The following FEZF2 variants were observed in gnomAD, a reference collection of about 807,000 sequenced individuals.
FEZF2 encodes fez family zinc finger protein 2.
A neutral mutation model predicts 32.8 loss-of-function variants in FEZF2; 2 were observed. The observed-to-expected ratio is 0.06, with a 90% CI of 0.02 to 0.19. FEZF2 has a LOEUF of 0.19. FEZF2 is among the 10% of genes least tolerant of loss of function. The probability of loss-of-function intolerance (pLI) is 1.00; values close to 1 mark genes in which losing one functional copy is unlikely to be tolerated. For synonymous variants in FEZF2, 322 were observed against 284.8 expected (o/e 1.13, Z -1.32); for missense variants, 516 against 625.4 (o/e 0.83, Z 1.87).
Position 62,371,737 on chromosome 3 carries a change from C to G in FEZF2, c.853-70G>C, listed in dbSNP as rs1704271991. The stretch of plus-strand genomic sequence containing the variant: ...CCTACAATCAGCCCCGGGGGGGCCA[C>G]AGCCTACCTCCCCCAACCAACACCC... On this transcript the variant is annotated intron_variant, in intron 2 of 4. Coordinates refer to ENST00000283268, the MANE Select transcript of FEZF2 (RefSeq NM_018008.4). The G allele has an allele frequency of 2.6e-6, 4 of 1,544,424 alleles. No homozygotes were observed. The Admixed American group carries it at 8.1e-5, about 31-fold the overall frequency.
In FEZF2 at chr3:62,372,880, C is replaced by T. The variant is rs775988544; in HGVS notation, c.-12G>A. The T allele has an allele frequency of 1.9e-5, 26 of 1,396,812 alleles. No individual in the cohort carries two copies. The African/African-American group carries it at 3.0e-4, about 16-fold the overall frequency. The allele number at this position is 1,396,812 out of a possible 1,614,324, so 86.5% of individuals were successfully genotyped here. A position where few individuals can be genotyped will look rare whatever the true frequency, so the allele number is the denominator to read the frequency against. Reference sequence around the variant, plus strand: ...GCCGAGCTTGCCATGGCGCGCGGAGCTGAGCCGAGCCAGGCTGGGCCAGGG... The same window carrying T: ...GCCGAGCTTGCCATGGCGCGCGGAGTTGAGCCGAGCCAGGCTGGGCCAGGG... On this transcript the variant is annotated 5_prime_UTR_variant, in exon 2 of 5. Coordinates refer to ENST00000283268, the MANE Select transcript of FEZF2 (RefSeq NM_018008.4). The surrounding 1 kb of genome is among the most constrained non-coding windows in gnomAD (Gnocchi z 9.6).
Position 62,369,991 on chromosome 3 carries a change from G to GC in FEZF2, c.*91_*92insG. 1 of 1,342,890 alleles carries GC rather than the reference G, an allele frequency of 7.4e-7. No individual in the cohort carries two copies. Among genetic ancestry groups the GC allele is most frequent in the South Asian group, 1.5e-5 (1 of 65,654 alleles). The allele number at this position is 1,342,890 out of a possible 1,614,324, so 83.2% of individuals were successfully genotyped here. A position where few individuals can be genotyped will look rare whatever the true frequency, so the allele number is the denominator to read the frequency against. On this transcript the variant is annotated 3_prime_UTR_variant, in exon 5 of 5. Transcript: ENST00000283268. The surrounding 1 kb of genome is among the most constrained non-coding windows in gnomAD (Gnocchi z 4.2). ...AATAGATTTTAGCCTCTCTGCTATAGTTTTTTTTTCTTTTAATTTTAGAAA... is the reference window on the plus strand; with the variant it reads ...AATAGATTTTAGCCTCTCTGCTATAGCTTTTTTTTTCTTTTAATTTTAGAAA...
Position 62,372,527 on chromosome 3 carries a change from G to C in FEZF2, c.342C>G (p.Gly114=). 1 of 1,297,818 alleles carries C rather than the reference G, an allele frequency of 7.7e-7. No homozygotes were observed. 80.4% of individuals were successfully genotyped at this position (1,297,818 alleles called of 1,614,324 possible). A position where few individuals can be genotyped will look rare whatever the true frequency, so the allele number is the denominator to read the frequency against. The change falls in exon 2 of 5, where the codon GGC becomes GGG. Residue 114 remains glycine, a synonymous_variant. Transcript: ENST00000283268. The surrounding 1 kb of genome is among the most constrained non-coding windows in gnomAD (Gnocchi z 9.6). ...CGCCGCACACTGGGGCCCCCCCGCC[G>C]CCGCCGCCGCCACCGCCGCCGCCGC... The part of the protein sequence containing the change: ...GGGGGGGGGG[G]GGGAPVCGAS...
chr3:62,371,086 T>G, intron 4 of FEZF2, 131 bp downstream of exon 4: 1 of 1,390,952 alleles, frequency 7.2e-7, no homozygotes, highest in Non-Finnish European at 1.0e-6. Flanking sequence ...AACCCGATTC[T>G]AAAGAAATGC....
chr3:62,373,105 A>AAAGGGGGAAG lies in FEZF2; in HGVS notation c.-59+164_-59+173dup, dbSNP rs1704298707. On this transcript the variant is annotated intron_variant, in intron 1 of 4. Transcript: ENST00000283268. This position sits in a 1 kb window ranked among gnomAD's most constrained non-coding sequence, Gnocchi z 5.5. ...CACCAGCCCCTGCCCTGGGACTTTG[A>AAAGGGGGAAG]AAGGGGGAAGAAGGGGGAGGGTTTA... 1 of 336,478 alleles carries AAAGGGGGAAG rather than the reference A, an allele frequency of 3.0e-6. No homozygotes were observed. The allele number at this position is 336,478 out of a possible 1,614,324, so 20.8% of individuals were successfully genotyped here. A position where few individuals can be genotyped will look rare whatever the true frequency, so the allele number is the denominator to read the frequency against.
Position 62,372,744 on chromosome 3 carries a change from G to T in FEZF2, c.125C>A (p.Pro42His), listed in dbSNP as rs1383676796. ...AGGCCGGGGCTCAAAGGGCGCACGGGGCTCCGACGTCTTGGCCATGATGCG... is the reference window on the plus strand; with the variant it reads ...AGGCCGGGGCTCAAAGGGCGCACGGTGCTCCGACGTCTTGGCCATGATGCG... ...IERIMAKTSEPRAPFEPRPGA... is the reference protein window; with the variant it reads ...IERIMAKTSEHRAPFEPRPGA... Residue 42 changes from proline (P) to histidine (H), a missense_variant, in exon 2 of 5, where the codon CCC (proline) becomes CAC (histidine). Pro to His is a moderately conservative substitution (Grantham distance 77). This residue lies in a region of FEZF2 where 408 missense variants were observed against 382.2 expected (regional missense o/e 1.07). Coordinates refer to ENST00000283268, the MANE Select transcript of FEZF2 (RefSeq NM_018008.4). This position sits in a 1 kb window ranked among gnomAD's most constrained non-coding sequence, Gnocchi z 9.6. 20 of 1,607,756 alleles carry T rather than the reference G, an allele frequency of 1.2e-5. No individual in the cohort carries two copies. Among genetic ancestry groups the T allele is most frequent in the Non-Finnish European group, 1.7e-5 (20 of 1,177,058 alleles).
intron 2 of FEZF2, 135 bp downstream of exon 2, chr3:62,371,882 A>C (rs1704274875): frequency 7.0e-7 from 1 of 1,427,972 alleles, no homozygotes; most frequent in East Asian, 2.5e-5. Context: ...ACTGAGGCCC[A>C]ACGAGGCTCC....
rs1048040721 is a variant in FEZF2, at chr3:62,372,073, G to A, written c.796C>T (p.Pro266Ser). Residue 266 changes from proline to serine, a missense_variant, in exon 2 of 5, where the codon CCA becomes TCA. Around this residue, in one of 3 missense-constraint regions of FEZF2, gnomAD observed 408 missense variants for 382.2 expected, o/e 1.07. Coordinates refer to ENST00000283268, the MANE Select transcript of FEZF2 (RefSeq NM_018008.4). This position sits in a 1 kb window ranked among gnomAD's most constrained non-coding sequence, Gnocchi z 9.6. ...GGCTTGCCATCTGCGGAGCCTCCTGGCAGCTTGCTGTGGCCCTTGACGCCT... is the reference window on the plus strand; with the variant it reads ...GGCTTGCCATCTGCGGAGCCTCCTGACAGCTTGCTGTGGCCCTTGACGCCT... ...RGGVKGHSKLPGGSADGKPKN... is the reference protein window; with the variant it reads ...RGGVKGHSKLSGGSADGKPKN... 1 of 1,609,064 alleles carries A rather than the reference G, an allele frequency of 6.2e-7. No homozygotes were observed. The highest frequency in any genetic ancestry group is 8.5e-7 in the Non-Finnish European group (1 of 1,178,808).
chr3:62,369,890 C>T lies in FEZF2; in HGVS notation c.*193G>A. ...GATTTAAATAAGTTTCCTGAATATA[C>T]AAAGGTGGGGGCCACGAGTTTGCTG... On this transcript the variant is annotated 3_prime_UTR_variant, in exon 5 of 5. Transcript: ENST00000283268. The surrounding 1 kb of genome is among the most constrained non-coding windows in gnomAD (Gnocchi z 4.2). The T allele has an allele frequency of 1.6e-6, 1 of 625,588 alleles. No individual in the cohort carries two copies. The highest frequency in any genetic ancestry group is 2.9e-5 in the East Asian group (1 of 34,878). The allele number at this position is 625,588 out of a possible 1,614,324, so 38.8% of individuals were successfully genotyped here.
At chr3:62,371,803 C>T (rs1178077032) in intron 2 of FEZF2, 136 bp from the exon 3 acceptor site, 27 of 1,421,174 alleles carry the variant, frequency 1.9e-5, no homozygotes, top group Non-Finnish European at 2.3e-5. Flanking sequence ...TAAAGTGCTG[C>T]CCAAACTCCT....
In FEZF2 at chr3:62,371,164, C is replaced by T; in HGVS notation, c.1120+53G>A. The T allele has an allele frequency of 2.5e-6, 4 of 1,613,518 alleles. 1 individual carries two copies. The South Asian group carries it at 4.4e-5, about 18-fold the overall frequency. On this transcript the variant is annotated intron_variant, in intron 4 of 4. Transcript: ENST00000283268. ...TCTTTGCCTTCCTGCCAGCCAGCCG[C>T]GACCCGAGTCCTGAGGTGAGGTGAG...
rs528046285 is a variant in FEZF2 at position 62,371,000 on chromosome 3, G to A, written c.1120+217C>T. ...CTTCCTTCGACCTCTCGAATTCGGA[G>A]TCTCTCAGTGCACCCAGCCTGCATA... On this transcript the variant is annotated intron_variant, in intron 4 of 4. Coordinates refer to ENST00000283268, the MANE Select transcript of FEZF2 (RefSeq NM_018008.4). This position sits in a 1 kb window ranked among gnomAD's most constrained non-coding sequence, Gnocchi z 4.2. 6.6e-6 allele frequency among the ~76,000 whole-genome samples: 1 copy of A among 152,154 alleles called. No individual in the cohort carries two copies. The highest frequency in any genetic ancestry group is 1.5e-5 in the Non-Finnish European group (1 of 68,044).
At position 62,370,050 on chromosome 3, in the gene FEZF2, A is replaced by T. The variant is rs1012312280; in HGVS notation, c.*33T>A. 26 of 1,609,490 alleles carry T rather than the reference A, an allele frequency of 1.6e-5. No homozygotes were observed. Among genetic ancestry groups the T allele is most frequent in the Non-Finnish European group, 2.0e-5 (24 of 1,176,418 alleles). On this transcript the variant is annotated 3_prime_UTR_variant, in exon 5 of 5. Coordinates refer to ENST00000283268, the MANE Select transcript of FEZF2 (RefSeq NM_018008.4). This position sits in a 1 kb window ranked among gnomAD's most constrained non-coding sequence, Gnocchi z 4.2. The stretch of plus-strand genomic sequence containing the variant: ...TATGTGTGATCTGTTTTCAGGTGGT[A>T]CAGGGAGGGAAGGAAGGGCAAGGCA...
rs1248653163 is a variant in FEZF2, at chr3:62,370,388, G to A, written c.1121-46C>T. The A allele has an allele frequency of 6.3e-7, 1 of 1,596,608 alleles. No homozygotes were observed. The highest frequency in any genetic ancestry group is 8.6e-7 in the Non-Finnish European group (1 of 1,168,526). ...AAAACGTGGGGGTATGGAGTAGAAT[G>A]GTGGGGAGGAAGAGGCGGGCGTCCC... On this transcript the variant is annotated intron_variant, in intron 4 of 4. Transcript: ENST00000283268. The surrounding 1 kb of genome is among the most constrained non-coding windows in gnomAD (Gnocchi z 4.2).
At position 62,372,817 on chromosome 3, in the gene FEZF2, C is replaced by A; in HGVS notation, c.52G>T (p.Ala18Ser). ...TTGGAAGTGGCCGGCGACGCTCCGG[C>A]GCGCGGGCAGGCCGGGGGCACCATG... ...ETMVPPACPR[A>S]GASPATSKTL... The change falls in exon 2 of 5, where the codon GCC (alanine) becomes TCC (serine). Residue 18 changes from alanine (A) to serine (S), a missense_variant. Around this residue, in one of 3 missense-constraint regions of FEZF2, gnomAD observed 408 missense variants for 382.2 expected, o/e 1.07. Transcript: ENST00000283268. This position sits in a 1 kb window ranked among gnomAD's most constrained non-coding sequence, Gnocchi z 9.6. 2.0e-6 allele frequency: 3 copies of A among 1,529,818 alleles called. No homozygotes were observed. The highest frequency in any genetic ancestry group is 1.8e-6 in the Non-Finnish European group (2 of 1,133,080). 94.8% of individuals were successfully genotyped at this position (1,529,818 alleles called of 1,614,324 possible).
chr3:62,371,587 G>A lies in FEZF2; in HGVS notation c.933C>T (p.Gly311=). 6.2e-7 allele frequency: 1 copy of A among 1,614,210 alleles called. No homozygotes were observed. The highest frequency in any genetic ancestry group is 8.5e-7 in the Non-Finnish European group (1 of 1,180,030). Residue 311 remains glycine (G), a synonymous_variant, in exon 3 of 5, where the codon GGC becomes GGT. Transcript: ENST00000283268. ...GCGTGCTGGCCTGGCGAAAGCCTTTGCCGCAGACTTTGCACACGAACGGTC... is the reference window on the plus strand; with the variant it reads ...GCGTGCTGGCCTGGCGAAAGCCTTTACCGCAGACTTTGCACACGAACGGTC... ...GARPFVCKVC[G]KGFRQASTLC...
Position 62,370,106 on chromosome 3 carries a change from G to A in FEZF2, c.1357C>T (p.Leu453=), listed in dbSNP as rs994786786. ...VGPAAPSAKD[L]TRTVQS The stretch of plus-strand genomic sequence containing the variant: ...TCTCAGCTCTGCACTGTCCTAGTCA[G>A]GTCCTTTGCGGAGGGGGCAGCAGGG... Residue 453 remains leucine (L), a synonymous_variant, in exon 5 of 5, where the codon CTG becomes TTG. Coordinates refer to ENST00000283268, the MANE Select transcript of FEZF2 (RefSeq NM_018008.4). The surrounding 1 kb of genome is among the most constrained non-coding windows in gnomAD (Gnocchi z 4.2). The A allele has an allele frequency of 6.2e-7, 1 of 1,614,082 alleles. No homozygotes were observed. The highest frequency in any genetic ancestry group is 8.5e-7 in the Non-Finnish European group (1 of 1,180,046).
rs1451503621 is a variant in FEZF2 at position 62,373,420 on chromosome 3, T to G, written c.-200A>C. On this transcript the variant is annotated 5_prime_UTR_variant, in exon 1 of 5. Coordinates refer to ENST00000283268, the MANE Select transcript of FEZF2 (RefSeq NM_018008.4). The surrounding 1 kb of genome is among the most constrained non-coding windows in gnomAD (Gnocchi z 5.5). ...TGACATCACATGAAGTCACTTGAAG[T>G]GGAATGACATGGGCGGCGGCGCGGC... is the stretch of plus-strand genomic sequence containing the variant. 1 of 152,498 alleles carries G rather than the reference T, an allele frequency of 6.6e-6. No individual in the cohort carries two copies. Among genetic ancestry groups the G allele is most frequent in the Non-Finnish European group, 1.5e-5 (1 of 68,046 alleles). 9.4% of individuals were successfully genotyped at this position (152,498 alleles called of 1,614,324 possible). A position where few individuals can be genotyped will look rare whatever the true frequency, so the allele number is the denominator to read the frequency against.
chr3:62,372,547 C>A lies in FEZF2; in HGVS notation c.322G>T (p.Gly108Cys). ...SLRAGGGGGGGGGGGGGGGGA... is the reference protein window; with the variant it reads ...SLRAGGGGGGCGGGGGGGGGA... Reference sequence around the variant, plus strand: ...CCGCCGCCGCCGCCGCCACCGCCGCCGCCGCCTCCGCCGCCGCCCGCCCGG... The same window carrying A: ...CCGCCGCCGCCGCCGCCACCGCCGCAGCCGCCTCCGCCGCCGCCCGCCCGG... Residue 108 changes from glycine (G) to cysteine (C), a missense_variant, in exon 2 of 5, where the codon GGC becomes TGC. Around this residue, in one of 3 missense-constraint regions of FEZF2, gnomAD observed 408 missense variants for 382.2 expected, o/e 1.07. Transcript: ENST00000283268. This position sits in a 1 kb window ranked among gnomAD's most constrained non-coding sequence, Gnocchi z 9.6. The A allele has an allele frequency of 7.4e-7, 1 of 1,343,228 alleles. No individual in the cohort carries two copies. The highest frequency in any genetic ancestry group is 9.5e-7 in the Non-Finnish European group (1 of 1,048,826). The allele number at this position is 1,343,228 out of a possible 1,614,324, so 83.2% of individuals were successfully genotyped here.
Sources: allele counts gnomAD v4.1 joint callset (sites outside exome capture counted in the v4.1 genomes callset), GRCh38; gene constraint gnomAD v4.1.1; regional missense constraint gnomAD v4.1.1; non-coding constraint Gnocchi (gnomAD v3.1); transcripts MANE v1.5; gene names NCBI Gene and HGNC (gene_info 2026-07-23, HGNC 2026-07-21).